CHSY3: variants seen among roughly 807,000 people sequenced by gnomAD.
CHSY3 encodes the protein N-acetylgalactosaminyl-proteoglycan 3-beta-glucuronosyltransferase 3.
CHSY3 carries 35 observed loss-of-function variants against 67.2 expected under a neutral mutation model. The ratio of observed to expected loss-of-function variants is 0.52; its 90% CI spans 0.40 to 0.69. The LOEUF (loss-of-function observed/expected upper bound fraction) is 0.69. CHSY3 is among the 30% of genes least tolerant of loss of function. The pLI, the probability that CHSY3 is intolerant of heterozygous loss-of-function variation, is 0.00. For synonymous variants in CHSY3, 474 were observed against 434.7 expected (o/e 1.09, Z -1.12); for missense variants, 1,069 against 1,138.5 (o/e 0.94, Z 0.88).
At chr5:129,962,721 A>C (rs950075446) in intron 2 of CHSY3, among the ~76,000 whole-genome samples, 1 of 151,884 alleles carries the variant, frequency 6.6e-6, no homozygotes, top group African/African-American at 2.4e-5. Context: ...CTCCTCTTTG[A>C]TGGTGACATC....
intron 2 of CHSY3, among the ~76,000 whole-genome samples, chr5:129,965,410 G>A (rs1456269411): frequency 6.6e-6 from 1 of 151,912 alleles, no homozygotes; most frequent in Non-Finnish European, 1.5e-5. Context: ...ACAGTATGAT[G>A]TGGAGCTGAT....
intron 2 of CHSY3, among the ~76,000 whole-genome samples, chr5:130,158,624 C>A (rs577120308): frequency 2.0e-5 from 3 of 152,126 alleles, no homozygotes; most frequent in African/African-American, 7.2e-5. Context: ...TCAGGATCAG[C>A]CATTAGTCAA....
intron 2 of CHSY3, among the ~76,000 whole-genome samples, chr5:130,021,500 T>G (rs1395877335): frequency 6.6e-6 from 1 of 152,170 alleles, no homozygotes; most frequent in Non-Finnish European, 1.5e-5. Flanking sequence ...CTTGTCAGTT[T>G]CCATGGCAAT....
intron 2 of CHSY3, among the ~76,000 whole-genome samples, chr5:129,964,638 G>T (rs1184683850): frequency 2.0e-5 from 3 of 151,780 alleles, no homozygotes; most frequent in African/African-American, 7.3e-5. Flanking sequence ...GTCTGGGATT[G>T]AATTATTCAG....
intron 2 of CHSY3, among the ~76,000 whole-genome samples, chr5:129,983,769 G>A (rs971156948): frequency 6.6e-6 from 1 of 152,048 alleles, no homozygotes; most frequent in African/African-American, 2.4e-5. Flanking sequence ...TTGAGTGTCA[G>A]AGAAGCATTT....
chr5:130,163,064 T>A (rs1769605825), intron 2 of CHSY3, among the ~76,000 whole-genome samples: 1 of 152,018 alleles, frequency 6.6e-6, no homozygotes. Flanking sequence ...TGCCCAGCCC[T>A]ACCCCACCCA....
intron 2 of CHSY3, among the ~76,000 whole-genome samples, chr5:130,028,908 C>G (rs978874653): frequency 6.6e-6 from 1 of 151,914 alleles, no homozygotes; most frequent in Admixed American, 6.6e-5. Context: ...GTCTCTCCCC[C>G]ACATCTGCTT....
At chr5:130,090,435 C>T (rs1024542039) in intron 2 of CHSY3, among the ~76,000 whole-genome samples, 2 of 152,158 alleles carry the variant, frequency 1.3e-5, no homozygotes, top group African/African-American at 2.4e-5. Flanking sequence ...AGTCACTTCT[C>T]CAGTCCACAT....
At chr5:130,085,137 T>C (rs2149688650) in intron 2 of CHSY3, among the ~76,000 whole-genome samples, 1 of 152,164 alleles carries the variant, frequency 6.6e-6, no homozygotes, top group East Asian at 1.9e-4. Context: ...GGGGGATGGT[T>C]CATCAGTAGT....
At chr5:130,134,826 C>G (rs1768605875) in intron 2 of CHSY3, among the ~76,000 whole-genome samples, 1 of 151,416 alleles carries the variant, frequency 6.6e-6, no homozygotes, top group South Asian at 2.1e-4. Flanking sequence ...TACTTGCACT[C>G]TCACGTTTTA....
chr5:129,999,124 C>CCTT (rs1763640906), intron 2 of CHSY3, among the ~76,000 whole-genome samples: 1 of 141,724 alleles, frequency 7.1e-6, no homozygotes, highest in Non-Finnish European at 1.5e-5. Flanking sequence ...TCCCCCCTCC[C>CCTT]TTTTTTTTTT....
intron 2 of CHSY3, among the ~76,000 whole-genome samples, chr5:130,182,625 A>C (rs572182198): frequency 2.0e-4 from 30 of 152,216 alleles, no homozygotes; most frequent in Admixed American, 3.3e-4. Flanking sequence ...GCCTTTTTCT[A>C]AAATAAACCT....
chr5:129,913,433 T>C (rs1760633769), intron 2 of CHSY3, among the ~76,000 whole-genome samples: 1 of 152,236 alleles, frequency 6.6e-6, no homozygotes, highest in Non-Finnish European at 1.5e-5. Flanking sequence ...ATTAAAATTG[T>C]ATATCATATA....
At chr5:130,030,838 T>C (rs1329948675) in intron 2 of CHSY3, among the ~76,000 whole-genome samples, 1 of 152,082 alleles carries the variant, frequency 6.6e-6, no homozygotes, top group Non-Finnish European at 1.5e-5. Flanking sequence ...ATCTGAACTT[T>C]CCATTGAAGA....
chr5:130,088,267 G>A (rs7710299), intron 2 of CHSY3, among the ~76,000 whole-genome samples: 70,511 of 149,836 alleles, frequency 0.47, 17,215 homozygotes, highest in African/African-American at 0.59. Context: ...TAAAAACCCT[G>A]GAAGAAAACC....
chr5:130,092,177 A>G (rs887455294), intron 2 of CHSY3, among the ~76,000 whole-genome samples: 3 of 152,194 alleles, frequency 2.0e-5, no homozygotes, highest in East Asian at 1.9e-4. Flanking sequence ...AGATGGGCCT[A>G]TGCTCTGAAA....
intron 2 of CHSY3, among the ~76,000 whole-genome samples, chr5:129,974,632 T>C (rs995342465): frequency 6.6e-6 from 1 of 152,102 alleles, no homozygotes; most frequent in Non-Finnish European, 1.5e-5. Context: ...AGGAACTTCA[T>C]GGCGCAGTTG....
At chr5:129,992,983 G>A (rs1188030756) in intron 2 of CHSY3, among the ~76,000 whole-genome samples, 2 of 152,136 alleles carry the variant, frequency 1.3e-5, no homozygotes, top group African/African-American at 2.4e-5. Context: ...TAAGTTCAAT[G>A]TTCTGAGGGT....
At chr5:129,931,041 G>A (rs1316798977) in intron 2 of CHSY3, among the ~76,000 whole-genome samples, 4 of 152,016 alleles carry the variant, frequency 2.6e-5, no homozygotes, top group African/African-American at 4.8e-5. Context: ...ACAGTTGTAA[G>A]GTCATATATC....
Sources: gnomAD v4.1 joint callset for allele counts (sites outside exome capture counted in the v4.1 genomes callset) on GRCh38, gnomAD v4.1.1 for gene constraint, MANE v1.5 for transcripts, NCBI Gene and HGNC (gene_info 2026-07-23, HGNC 2026-07-21) for gene names.